The following USP42 variants were observed in gnomAD, a reference collection of about 807,000 sequenced individuals.
The protein encoded by USP42 is ubiquitin specific peptidase 42.
In USP42, 23 loss-of-function variants were observed where a neutral mutation model predicts 113.0. The observed-to-expected ratio is 0.20, with a 90% CI of 0.15 to 0.29. USP42 has a LOEUF of 0.29. USP42 is among the 10% of genes least tolerant of loss of function. USP42 has a pLI of 1.00. For synonymous variants in USP42, 933 were observed against 699.0 expected, an observed-to-expected ratio of 1.33 and a Z score of -5.28; for missense variants, 2,174 against 1,779.8, an observed-to-expected ratio of 1.22 and a Z score of -3.99.
intron 15 of USP42, among the ~76,000 whole-genome samples, chr7:6,155,893 G>C (rs2128524392): frequency 6.6e-6 from 1 of 152,100 alleles, no homozygotes; most frequent in East Asian, 1.9e-4. Context: ...GGAGTAGCCG[G>C]GACTGCAGGC....
At chr7:6,115,208 G>C in intron 2 of USP42, 115 bp from the exon 3 acceptor site, 1 of 981,480 alleles carries the variant, frequency 1.0e-6, no homozygotes, top group Non-Finnish European at 1.5e-6. Flanking sequence ...ATTTCAGGTA[G>C]GCTGGTCATG....
chr7:6,081,444 G>A, the USP42 span, among the ~76,000 whole-genome samples: 3 of 152,136 alleles, frequency 2.0e-5, no homozygotes, highest in African/African-American at 7.2e-5. Context: ...CCCAGAACTC[G>A]TCCGCCGGAC....
At chr7:6,120,688 A>G (rs934354944) in intron 3 of USP42, among the ~76,000 whole-genome samples, 2 of 152,058 alleles carry the variant, frequency 1.3e-5, no homozygotes, top group East Asian at 1.9e-4. Flanking sequence ...GGTTCAAGCA[A>G]TTCTTCTGCT....
chr7:6,140,294 T>G, intron 6 of USP42, 99 bp downstream of exon 6: 2 of 1,053,516 alleles, frequency 1.9e-6, no homozygotes, highest in Non-Finnish European at 2.8e-6. Context: ...GAAGGAAAAG[T>G]GCTTCTCTCC....
In USP42 at chr7:6,154,493, G is replaced by C; in HGVS notation, c.2939G>C (p.Arg980Pro). 1 of 1,545,574 alleles carries C rather than the reference G, an allele frequency of 6.5e-7. No individual in the cohort carries two copies. The highest frequency in any genetic ancestry group is 8.7e-7 in the Non-Finnish European group (1 of 1,145,264). Residue 980 changes from arginine to proline, a missense_variant, in exon 15 of 18, where the codon CGG (arginine) becomes CCG (proline). Coordinates refer to ENST00000306177, the MANE Select transcript of USP42 (RefSeq NM_032172.3). ...RSKTEGHRHRRRRTCPRERDR... is the reference protein window; with the variant it reads ...RSKTEGHRHRPRRTCPRERDR... Reference sequence around the variant, plus strand: ...AAGACTGAGGGCCACCGTCACCGGCGGCGCCGCACCTGCCCCCGGGAGCGC... The same window carrying C: ...AAGACTGAGGGCCACCGTCACCGGCCGCGCCGCACCTGCCCCCGGGAGCGC...
chr7:6,136,692 A>G (rs1054992638), intron 4 of USP42, among the ~76,000 whole-genome samples: 1 of 152,250 alleles, frequency 6.6e-6, no homozygotes, highest in East Asian at 1.9e-4. Context: ...GAAATTGTCA[A>G]AATAAAGTTA....
chr7:6,116,882 T>TG (rs766892753), intron 3 of USP42: 2 of 529,744 alleles, frequency 3.8e-6, no homozygotes, highest in African/African-American at 3.9e-5. Flanking sequence ...CACTAGCACC[T>TG]GGACAGCAAG....
chr7:6,116,025 G>T (rs966708426), intron 3 of USP42, among the ~76,000 whole-genome samples: 2 of 151,014 alleles, frequency 1.3e-5, no homozygotes, highest in East Asian at 3.9e-4. Context: ...GGTCACCTGA[G>T]TCTGGAAGGT....
chr7:6,139,433 C>A lies in USP42; in HGVS notation c.656+239C>A. The A allele has an allele frequency of 2.6e-6, 1 of 390,690 alleles. No homozygotes were observed. Among genetic ancestry groups the A allele is most frequent in the Non-Finnish European group, 4.5e-6 (1 of 219,806 alleles). 24.2% of individuals were successfully genotyped at this position (390,690 alleles called of 1,614,324 possible). A position where few individuals can be genotyped will look rare whatever the true frequency, so the allele number is the denominator to read the frequency against. On this transcript the variant is annotated intron_variant, in intron 5 of 17. Transcript: ENST00000306177. This position sits in a 1 kb window ranked among gnomAD's most constrained non-coding sequence, Gnocchi z 4.5. ...TCAATCATAGATGTCAGGAAATAAA[C>A]ATTGGTCTTGCAGCTATTTAATTTC...
chr7:6,160,305 C>T (rs1473512114), intron 17 of USP42, among the ~76,000 whole-genome samples: 1 of 152,190 alleles, frequency 6.6e-6, no homozygotes, highest in East Asian at 1.9e-4. Context: ...GAGTGAGGGG[C>T]TGTGAGGATG....
chr7:6,154,345 A>AAAGCCCCAG lies in USP42; in HGVS notation c.2792_2800dup (p.Pro933_Gly934insGluAlaPro). On this transcript the variant is annotated inframe_insertion, in exon 15 of 18. Transcript: ENST00000306177. ...GAGGGTCGAGGACGCCGCGGCGCCG[A>AAAGCCCCAG]AAGCCCCAGGCCCTTCCCCAGCGAA... The AAAGCCCCAG allele has an allele frequency of 6.4e-7, 1 of 1,572,378 alleles. No individual in the cohort carries two copies. Among genetic ancestry groups the AAAGCCCCAG allele is most frequent in the Non-Finnish European group, 8.6e-7 (1 of 1,160,188 alleles).
intron 1 of USP42, among the ~76,000 whole-genome samples, chr7:6,110,123 C>G (rs536611190): frequency 2.0e-5 from 3 of 152,130 alleles, no homozygotes; most frequent in Admixed American, 1.3e-4. Context: ...CATGAGCCAC[C>G]GCGCCCGGCC....
chr7:6,136,275 A>G (rs1219401349), intron 4 of USP42, among the ~76,000 whole-genome samples: 1 of 152,128 alleles, frequency 6.6e-6, no homozygotes, highest in Non-Finnish European at 1.5e-5. Flanking sequence ...AAGTGCTGGG[A>G]TTACAGGCGT....
chr7:6,131,234 G>A (rs1287917459), intron 3 of USP42, among the ~76,000 whole-genome samples: 1 of 152,168 alleles, frequency 6.6e-6, no homozygotes, highest in African/African-American at 2.4e-5. Context: ...CCAGCAGTTT[G>A]GGAGGCAGAG....
rs531014480 is a variant in USP42 at position 6,136,423 on chromosome 7, A to G, written c.553+472A>G. Reference sequence around the variant, plus strand: ...TTTGATAACAAATTTTTAGTAAAACATTTGCTATATAAACACATTTTGAAA... The same window carrying G: ...TTTGATAACAAATTTTTAGTAAAACGTTTGCTATATAAACACATTTTGAAA... On this transcript the variant is annotated intron_variant, in intron 4 of 17. Coordinates refer to ENST00000306177, the MANE Select transcript of USP42 (RefSeq NM_032172.3). Among the ~76,000 whole-genome samples the G allele has an allele frequency of 2.1e-3, 326 of 152,322 alleles. 1 individual carries two copies. Among genetic ancestry groups the G allele is most frequent in the Admixed American group, 4.1e-3 (62 of 15,294 alleles).
upstream of USP42, among the ~76,000 whole-genome samples, chr7:6,104,610 C>A (rs1779144303): frequency 2.6e-5 from 4 of 152,224 alleles, no homozygotes; most frequent in South Asian, 8.3e-4. Context: ...ACGCCCGCCG[C>A]GCGCCGTCTG....
In USP42 at chr7:6,154,788, C is replaced by T. The variant is rs749704861; in HGVS notation, c.3234C>T (p.His1078=). ...LYAARDWKPF[H]GGREHERAGL... ...CTGCCCGGGACTGGAAGCCCTTCCA[C>T]GGCGGCCGCGAGCACGAGCGGGCCG... Residue 1078 remains histidine (H), a synonymous_variant, in exon 15 of 18, where the codon CAC becomes CAT. Coordinates refer to ENST00000306177, the MANE Select transcript of USP42 (RefSeq NM_032172.3). 29 of 1,548,228 alleles carry T rather than the reference C, an allele frequency of 1.9e-5. No homozygotes were observed. Among genetic ancestry groups the T allele is most frequent in the Admixed American group, 3.9e-5 (2 of 50,878 alleles).
chr7:6,119,214 C>CA (rs906657551), intron 3 of USP42, among the ~76,000 whole-genome samples: 9 of 151,224 alleles, frequency 6.0e-5, no homozygotes, highest in South Asian at 2.1e-4. Flanking sequence ...GATGCTGTCT[C>CA]AAAAAAAAAG....
chr7:6,093,108 G>C, the USP42 span: 2 of 149,988 alleles, frequency 1.3e-5, no homozygotes, highest in Admixed American at 6.7e-5. Context: ...CTGAGTAAAC[G>C]GAAGGTACTC....
Sources: allele counts gnomAD v4.1 joint callset (sites outside exome capture counted in the v4.1 genomes callset), GRCh38; gene constraint gnomAD v4.1.1; non-coding constraint Gnocchi (gnomAD v3.1); transcripts MANE v1.5; gene names NCBI Gene and HGNC (gene_info 2026-07-23, HGNC 2026-07-21).